The following ATP13A4 variants were observed in gnomAD, a reference collection of about 807,000 sequenced individuals.
ATP13A4 encodes probable cation-transporting ATPase 13A4.
Under a neutral mutation model 142.5 loss-of-function variants are expected in ATP13A4, and 114 were observed. The observed-to-expected ratio is 0.80, with a 90% confidence interval of 0.69 to 0.93. The LOEUF (loss-of-function observed/expected upper bound fraction) is 0.93, where lower values mean the gene tolerates loss of function less well. Ranked by LOEUF, ATP13A4 falls within the 40% of genes least tolerant of loss-of-function variation. The probability of loss-of-function intolerance (pLI) is 0.00; values close to 1 mark genes in which losing one functional copy is unlikely to be tolerated. For missense variants in ATP13A4, 1,392 were observed against 1,454.0 expected, an observed-to-expected ratio of 0.96 and a Z score of 0.69; for synonymous variants, 488 against 514.8, an observed-to-expected ratio of 0.95 and a Z score of 0.70.
chr3:193,579,766 C>A (rs1392892031), intron 2 of ATP13A4, among the ~76,000 whole-genome samples: 1 of 152,168 alleles, frequency 6.6e-6, no homozygotes, highest in Non-Finnish European at 1.5e-5. Flanking sequence ...CAACCTGGGT[C>A]TTGCGTCTCC....
chr3:193,589,851 T>C (rs1279169011), intron 1 of ATP13A4, among the ~76,000 whole-genome samples: 1 of 149,838 alleles, frequency 6.7e-6, no homozygotes, highest in Non-Finnish European at 1.5e-5. Flanking sequence ...GCATGTAACA[T>C]AAATGAGTAA....
intron 25 of ATP13A4, among the ~76,000 whole-genome samples, chr3:193,423,354 C>G (rs535779535): frequency 6.7e-6 from 1 of 149,572 alleles, no homozygotes; most frequent in Non-Finnish European, 1.5e-5. Context: ...TACTTCCAAA[C>G]TCATTCTATG....
At chr3:193,514,588 G>A (rs1721306668) in intron 2 of ATP13A4, 110 bp downstream of exon 2, 1 of 1,408,886 alleles carries the variant, frequency 7.1e-7, no homozygotes, top group Non-Finnish European at 9.9e-7. Flanking sequence ...ACCAAAGACT[G>A]GAGCCTCCAC....
chr3:193,524,881 T>C (rs964200675), intron 1 of ATP13A4, among the ~76,000 whole-genome samples: 1 of 152,178 alleles, frequency 6.6e-6, no homozygotes, highest in Admixed American at 6.5e-5. Context: ...ATAAGTCAGA[T>C]CTCACCTCCC....
intron 9 of ATP13A4, 65 bp from the exon 10 acceptor site, chr3:193,467,551 A>T (rs1265081899): frequency 4.0e-6 from 6 of 1,510,676 alleles, no homozygotes; most frequent in Non-Finnish European, 5.5e-6. Flanking sequence ...TCATGCCTGC[A>T]CCCACTCATC....
At chr3:193,558,899 C>T (rs554632586), upstream of ATP13A4, among the ~76,000 whole-genome samples, 1 of 152,242 alleles carries the variant, frequency 6.6e-6, no homozygotes, top group South Asian at 2.1e-4. Context: ...ATAAAAAGGA[C>T]AAATACTTAG....
Position 193,413,172 on chromosome 3 carries a change from C to T in ATP13A4, c.3015-801G>A, listed in dbSNP as rs531343765. Among the ~76,000 whole-genome samples, 101 of 152,248 alleles carry T rather than the reference C, an allele frequency of 6.6e-4. 1 individual carries two copies. The highest frequency in any genetic ancestry group is 2.3e-3 in the African/African-American group (97 of 41,562). On this transcript the variant is annotated intron_variant, in intron 26 of 29. Coordinates refer to ENST00000342695, the MANE Select transcript of ATP13A4 (RefSeq NM_032279.4). ...CCAAAATTAATACTTTTATAATTTC[C>T]TATGCCTGTCTTTACTGCAATATCT...
chr3:193,497,558 A>G (rs2108672257), intron 3 of ATP13A4, among the ~76,000 whole-genome samples: 1 of 152,302 alleles, frequency 6.6e-6, no homozygotes, highest in Admixed American at 6.5e-5. Flanking sequence ...CACAATTCCA[A>G]TAATAAGTAT....
intron 8 of ATP13A4, among the ~76,000 whole-genome samples, chr3:193,476,789 G>C (rs555129466): frequency 6.6e-6 from 1 of 152,100 alleles, no homozygotes; most frequent in South Asian, 2.1e-4. Context: ...GAGAGAGAGA[G>C]ACAGGAATGG....
chr3:193,414,002 C>T (rs1714915897), intron 26 of ATP13A4, among the ~76,000 whole-genome samples: 1 of 152,160 alleles, frequency 6.6e-6, no homozygotes, highest in South Asian at 2.1e-4. Context: ...CTCAGATGGG[C>T]ATCACGGTCC....
chr3:193,588,154 A>G (rs1438621696), intron 1 of ATP13A4, among the ~76,000 whole-genome samples: 1 of 152,180 alleles, frequency 6.6e-6, no homozygotes, highest in East Asian at 1.9e-4. Context: ...ATAAACAAAC[A>G]TTATAAAATA....
chr3:193,584,549 A>G (rs1371292716), intron 1 of ATP13A4, among the ~76,000 whole-genome samples: 1 of 151,884 alleles, frequency 6.6e-6, no homozygotes, highest in Non-Finnish European at 1.5e-5. Context: ...TGTTATGCTC[A>G]TTTTCTGCTC....
intron 19 of ATP13A4, 99 bp downstream of exon 19, chr3:193,442,294 A>G (rs1316983984): frequency 2.4e-6 from 3 of 1,267,642 alleles, no homozygotes; most frequent in Non-Finnish European, 3.4e-6. Context: ...TGAATGCTAG[A>G]CATTTGGAAG....
At chr3:193,499,479 T>G (rs1720419132) in intron 3 of ATP13A4, among the ~76,000 whole-genome samples, 1 of 152,224 alleles carries the variant, frequency 6.6e-6, no homozygotes, top group African/African-American at 2.4e-5. Context: ...TGTTTAGTCT[T>G]TTCCATCATC....
intron 2 of ATP13A4, among the ~76,000 whole-genome samples, chr3:193,565,418 T>C (rs1367385813): frequency 6.6e-6 from 1 of 152,210 alleles, no homozygotes; most frequent in African/African-American, 2.4e-5. Flanking sequence ...AGTAGTTTAA[T>C]ATAAGGCTAC....
In ATP13A4 at chr3:193,582,939, A is replaced by T. The variant is rs1394707018; in HGVS notation, n.92-1033T>A. 3.0e-3 allele frequency among the ~76,000 whole-genome samples: 193 copies of T among 64,870 alleles called. 64 individuals carry two copies. The highest frequency in any genetic ancestry group is 0.02 in the African/African-American group (188 of 9,332). The allele number at this position is 64,870 out of a possible 152,430, so 42.6% of individuals were successfully genotyped here. A position where few individuals can be genotyped will look rare whatever the true frequency, so the allele number is the denominator to read the frequency against. Reference sequence around the variant, plus strand: ...ATATATATGTATATTACATATATAAAATATATATGTATATTACATATATAT... The same window carrying T: ...ATATATATGTATATTACATATATAATATATATATGTATATTACATATATAT... On this transcript the variant is annotated intron_variant and non_coding_transcript_variant, in intron 1 of 3. Transcript: ENST00000489140.
intron 6 of ATP13A4, 121 bp downstream of exon 6, chr3:193,491,208 T>C: frequency 1.2e-6 from 1 of 820,616 alleles, no homozygotes; most frequent in South Asian, 1.4e-5. Context: ...ATGCTTGGCA[T>C]ACTTTCAAAA....
Position 193,512,473 on chromosome 3 carries a change from A to G in ATP13A4, c.234+2225T>C, listed in dbSNP as rs974090742. On this transcript the variant is annotated intron_variant, in intron 2 of 29. Transcript: ENST00000342695. ...CCATACATCAAATGTCTAGGTCTCTATTTCTCTCCCAAGGACCAAGTGAAC... is the reference window on the plus strand; with the variant it reads ...CCATACATCAAATGTCTAGGTCTCTGTTTCTCTCCCAAGGACCAAGTGAAC... Among the ~76,000 whole-genome samples, 3 of 152,166 alleles carry G rather than the reference A, an allele frequency of 2.0e-5. No individual in the cohort carries two copies. The East Asian group carries it at 5.8e-4, about 29-fold the overall frequency.
chr3:193,463,218 A>G (rs1248703778), intron 12 of ATP13A4, among the ~76,000 whole-genome samples: 1 of 152,018 alleles, frequency 6.6e-6, no homozygotes, highest in African/African-American at 2.4e-5. Context: ...TAACAACAAC[A>G]AAAAAAGTAT....
Sources: gnomAD v4.1 joint callset for allele counts (sites outside exome capture counted in the v4.1 genomes callset) on GRCh38, gnomAD v4.1.1 for gene constraint, MANE v1.5 for transcripts, NCBI Gene and HGNC (gene_info 2026-07-23, HGNC 2026-07-21) for gene names.